Variants in EXD3 observed in about 807,000 individuals in gnomAD.
The protein encoded by EXD3 is exonuclease mut-7 homolog.
In EXD3, 92 loss-of-function variants were observed where a neutral mutation model predicts 98.0. That is an observed-to-expected ratio of 0.94 (90% CI 0.79 to 1.12). The LOEUF is 1.12. EXD3 is among the 50% of genes most tolerant of loss of function. The pLI, the probability that EXD3 is intolerant of heterozygous loss-of-function variation, is 0.00. For missense variants in EXD3, 1,222 were observed against 1,191.6 expected (o/e 1.03, Z -0.38); for synonymous variants, 569 against 526.0 (o/e 1.08, Z -1.12).
chr9:137,366,772 C>T, intron 6 of EXD3, 140 bp from the exon 7 acceptor site: 1 of 1,089,502 alleles, frequency 9.2e-7, no homozygotes, highest in East Asian at 2.6e-5. Flanking sequence ...GCTCGCCCGG[C>T]CAGTGCTCAC....
intron 1 of EXD3, among the ~76,000 whole-genome samples, chr9:137,400,450 G>C (rs1837421117): frequency 1.3e-5 from 2 of 152,146 alleles, no homozygotes; most frequent in South Asian, 2.1e-4. Context: ...AGATACAATG[G>C]GGGTACAGGT....
intron 3 of EXD3, among the ~76,000 whole-genome samples, chr9:137,382,888 C>A (rs931390500): frequency 6.6e-6 from 1 of 152,184 alleles, no homozygotes; most frequent in Admixed American, 6.5e-5. Context: ...TGGCCTCTCC[C>A]GCCCAGCCTC....
At chr9:137,329,776 A>ACTACACGGGACTACACGGGG (rs1832863816) in intron 17 of EXD3, among the ~76,000 whole-genome samples, 1 of 18,700 alleles carries the variant, frequency 5.3e-5, no homozygotes, top group Non-Finnish European at 1.1e-4. Flanking sequence ...GTCACACGGG[A>ACTACACGGGACTACACGGGG]CTACACGGGA....
At chr9:137,327,216 T>C (rs916534099) in intron 17 of EXD3, among the ~76,000 whole-genome samples, 6 of 151,434 alleles carry the variant, frequency 4.0e-5, no homozygotes, top group Admixed American at 6.6e-5. Context: ...TCACTGCAAG[T>C]TCTGCCTCCC....
intron 7 of EXD3, among the ~76,000 whole-genome samples, chr9:137,358,472 G>A (rs1018371040): frequency 3.3e-5 from 5 of 152,082 alleles, no homozygotes; most frequent in African/African-American, 9.7e-5. Context: ...TGTGCCTCCC[G>A]GGGGCTCCGA....
chr9:137,411,442 G>A (rs1837993649), intron 1 of EXD3, among the ~76,000 whole-genome samples: 1 of 151,930 alleles, frequency 6.6e-6, no homozygotes, highest in Non-Finnish European at 1.5e-5. Context: ...AGCCTCCACA[G>A]GAAGGCGGGA....
In EXD3 at chr9:137,351,470, C is replaced by T. The variant is rs548116967; in HGVS notation, c.1232G>A (p.Arg411Gln). 12 of 1,600,190 alleles carry T rather than the reference C, an allele frequency of 7.5e-6. No individual in the cohort carries two copies. The highest frequency in any genetic ancestry group is 2.3e-5 in the East Asian group (1 of 44,138). The change falls in exon 13 of 22, where the codon CGG becomes CAG. Residue 411 changes from arginine to glutamine, a missense_variant. Physicochemically the swap from Arg to Gln is conservative, Grantham distance 43. Coordinates refer to ENST00000340951, the MANE Select transcript of EXD3 (RefSeq NM_017820.5). Reference protein sequence around the residue: ...EWTPVFVAGGRPRPSLLQVAV... With the variant: ...EWTPVFVAGGQPRPSLLQVAV... ...CACCTGCAGGAGTGACGGCCGAGGC[C>T]GGCCCCCAGCAACAAACACAGGTGT...
At chr9:137,382,092 C>T (rs1357747351) in intron 3 of EXD3, among the ~76,000 whole-genome samples, 1 of 113,232 alleles carries the variant, frequency 8.8e-6, no homozygotes, top group African/African-American at 4.0e-5. Context: ...GAGGTCAGGG[C>T]GGCGGTGGAG....
At chr9:137,366,469 C>A in intron 7 of EXD3, 24 bp downstream of exon 7, 2 of 1,536,892 alleles carry the variant, frequency 1.3e-6, no homozygotes, top group Admixed American at 2.0e-5. Context: ...CTGGTGCCAG[C>A]TGCCAGCGCC....
At chr9:137,323,643 G>T in intron 19 of EXD3, 82 bp downstream of exon 19, 1 of 1,550,344 alleles carries the variant, frequency 6.5e-7, no homozygotes, top group South Asian at 1.2e-5. Flanking sequence ...CCACTGTCTA[G>T]GGTGGGGCCC....
At chr9:137,378,266 T>C (rs1836016993) in intron 3 of EXD3, among the ~76,000 whole-genome samples, 1 of 152,056 alleles carries the variant, frequency 6.6e-6, no homozygotes, top group Non-Finnish European at 1.5e-5. Context: ...TGGAGTGCAG[T>C]GGCATGATCT....
At position 137,352,685 on chromosome 9, in the gene EXD3, C is replaced by T; in HGVS notation, c.972G>A (p.Leu324=). The change falls in exon 11 of 22, where the codon TTG becomes TTA. Residue 324 remains leucine (L), a synonymous_variant. Coordinates refer to ENST00000340951, the MANE Select transcript of EXD3 (RefSeq NM_017820.5). ...CAGCCGGCAGCCGCTCCTCGGGCAG[C>T]AAGAGTTCCATGGCACACTGGGCGG... The part of the protein sequence containing the change: ...VTAAQCAMEL[L]LPEERLPAAV... 1 of 1,557,874 alleles carries T rather than the reference C, an allele frequency of 6.4e-7. No homozygotes were observed. Among genetic ancestry groups the T allele is most frequent in the Non-Finnish European group, 8.7e-7 (1 of 1,151,962 alleles).
At position 137,407,434 on chromosome 9, in the gene EXD3, G is replaced by C. The variant is rs1157343329; in HGVS notation, c.-47-12030C>G. Among the ~76,000 whole-genome samples, 1 of 152,244 alleles carries C rather than the reference G, an allele frequency of 6.6e-6. No individual in the cohort carries two copies. Among genetic ancestry groups the C allele is most frequent in the Non-Finnish European group, 1.5e-5 (1 of 68,040 alleles). The stretch of plus-strand genomic sequence containing the variant: ...GCCATCTGCCCCCGGCTCACCGCAG[G>C]CCCTTTCCTGGGGGCCTCTGTGCCG... On this transcript the variant is annotated intron_variant, in intron 1 of 21. Transcript: ENST00000340951. The surrounding 1 kb of genome is among the most constrained non-coding windows in gnomAD (Gnocchi z 4.4).
intron 17 of EXD3, among the ~76,000 whole-genome samples, chr9:137,342,267 C>T (rs1328909147): frequency 2.1e-5 from 2 of 93,526 alleles, no homozygotes; most frequent in Non-Finnish European, 2.1e-5. Flanking sequence ...TCAGAGGAAA[C>T]GGGGCTCAGG....
At chr9:137,310,995 G>A (rs112723074) in intron 19 of EXD3, among the ~76,000 whole-genome samples, 23 of 152,360 alleles carry the variant, frequency 1.5e-4, no homozygotes, top group Middle Eastern at 3.4e-3. Context: ...GAGCCTCCGG[G>A]TGTGGCCATG....
intron 8 of EXD3, among the ~76,000 whole-genome samples, chr9:137,355,644 G>A: frequency 7.1e-6 from 1 of 141,130 alleles, no homozygotes; most frequent in Admixed American, 7.2e-5. Flanking sequence ...AAGGAGGAAG[G>A]AGGAAGGAGG....
chr9:137,344,302 T>C (rs1833811851), intron 17 of EXD3, among the ~76,000 whole-genome samples: 1 of 152,130 alleles, frequency 6.6e-6, no homozygotes, highest in Non-Finnish European at 1.5e-5. Context: ...CTGTAAGACT[T>C]TCCTCTGCAA....
intron 7 of EXD3, among the ~76,000 whole-genome samples, chr9:137,364,929 C>T (rs1835147679): frequency 6.6e-6 from 1 of 151,766 alleles, no homozygotes; most frequent in South Asian, 2.1e-4. Context: ...CTACCGTGAC[C>T]AGCTAATTTT....
chr9:137,352,557 C>T (rs772725718), intron 11 of EXD3, 63 bp downstream of exon 11: 71 of 1,436,382 alleles, frequency 4.9e-5, no homozygotes, highest in Non-Finnish European at 6.5e-5. Context: ...GCTGTCGTCC[C>T]AAGGGTAGGG....
Sources: allele counts gnomAD v4.1 joint callset (sites outside exome capture counted in the v4.1 genomes callset), GRCh38; gene constraint gnomAD v4.1.1; non-coding constraint Gnocchi (gnomAD v3.1); transcripts MANE v1.5; gene names NCBI Gene and HGNC (gene_info 2026-07-23, HGNC 2026-07-21).